The following LRRTM4 variants were observed in gnomAD, a reference collection of about 807,000 sequenced individuals.
LRRTM4 encodes leucine rich repeat transmembrane neuronal 4, also known as leucine-rich repeat transmembrane neuronal protein 4.
LRRTM4 carries 25 observed loss-of-function variants against 47.6 expected under a neutral mutation model. The ratio of observed to expected loss-of-function variants is 0.53; its 90% CI spans 0.38 to 0.73. The LOEUF is 0.73. Among genes scored for constraint, LRRTM4 ranks in the 30% least tolerant of loss-of-function variants. The probability of loss-of-function intolerance (pLI) is 0.00; values close to 1 mark genes in which losing one functional copy is unlikely to be tolerated. For synonymous variants in LRRTM4, 311 were observed against 269.5 expected, an observed-to-expected ratio of 1.15 and a Z score of -1.51; for missense variants, 638 against 713.4, an observed-to-expected ratio of 0.89 and a Z score of 1.20.
chr2:77,135,631 G>C (rs1671915002), intron 3 of LRRTM4, among the ~76,000 whole-genome samples: 1 of 152,126 alleles, frequency 6.6e-6, no homozygotes, highest in South Asian at 2.1e-4. Context: ...AACTTCTCAT[G>C]AATGTGCCAT....
chr2:76,878,472 T>C (rs1672838411), intron 3 of LRRTM4, among the ~76,000 whole-genome samples: 1 of 151,642 alleles, frequency 6.6e-6, no homozygotes, highest in Admixed American at 6.6e-5. Flanking sequence ...GTCCAAAAGG[T>C]AGGCCTTTTG....
intron 3 of LRRTM4, among the ~76,000 whole-genome samples, chr2:77,303,536 T>A (rs1437598062): frequency 6.6e-6 from 1 of 152,206 alleles, no homozygotes; most frequent in East Asian, 1.9e-4. Context: ...TCAGACTTTA[T>A]CAAACACAAT....
At position 77,136,677 on chromosome 2, in the gene LRRTM4, CG is replaced by C. The variant is rs375201746; in HGVS notation, c.1551+381640del. ...AAGCCTTCAGAGGATCAAATTTCTC[CG>C]AGCTAAAGGAGAAAGTTCGAAACCA... On this transcript the variant is annotated intron_variant, in intron 3 of 3. Transcript: ENST00000409884. Among the ~76,000 whole-genome samples the C allele has an allele frequency of 2.2e-4, 33 of 152,112 alleles. No homozygotes were observed. In the East Asian group the frequency reaches 5.8e-3, roughly 27 times the overall value.
At chr2:76,844,947 A>G (rs1422063414) in intron 3 of LRRTM4, among the ~76,000 whole-genome samples, 2 of 152,122 alleles carry the variant, frequency 1.3e-5, no homozygotes, top group Non-Finnish European at 2.9e-5. Context: ...TGAAAAGCCT[A>G]CTCATAGGGC....
chr2:77,084,099 G>A (rs941750760), intron 3 of LRRTM4, among the ~76,000 whole-genome samples: 3 of 151,974 alleles, frequency 2.0e-5, no homozygotes, highest in Non-Finnish European at 4.4e-5. Context: ...GCCACCATGC[G>A]TGGCCCTGGA....
At chr2:77,510,720 A>C (rs1041498358) in intron 3 of LRRTM4, among the ~76,000 whole-genome samples, 7 of 151,998 alleles carry the variant, frequency 4.6e-5, no homozygotes, top group Admixed American at 2.6e-4. Context: ...GAATTCTCTT[A>C]AGCAACTCAT....
chr2:76,824,379 T>C (rs1298932767), intron 3 of LRRTM4, among the ~76,000 whole-genome samples: 2 of 151,722 alleles, frequency 1.3e-5, no homozygotes, highest in Non-Finnish European at 3.0e-5. Flanking sequence ...ATAATTGTCA[T>C]AGAATGCATA....
chr2:77,362,170 A>AAAAAGAAAGAAAGAAAGAAAGG, intron 3 of LRRTM4, among the ~76,000 whole-genome samples: 1 of 133,630 alleles, frequency 7.5e-6, no homozygotes, highest in South Asian at 2.4e-4. Context: ...AGAAAGAAAG[A>AAAAAGAAAGAAAGAAAGAAAGG]AAGGAAGGAA....
At chr2:76,893,234 A>T (rs566272784) in intron 3 of LRRTM4, among the ~76,000 whole-genome samples, 1 of 151,790 alleles carries the variant, frequency 6.6e-6, no homozygotes, top group Non-Finnish European at 1.5e-5. Context: ...GATCTTTAAA[A>T]GAGATTGAAT....
At chr2:77,490,960 T>C (rs1381042724) in intron 3 of LRRTM4, among the ~76,000 whole-genome samples, 1 of 152,122 alleles carries the variant, frequency 6.6e-6, no homozygotes, top group Non-Finnish European at 1.5e-5. Context: ...TGATTCATTT[T>C]TTTTTCATAT....
chr2:77,421,638 C>T (rs1193796311), intron 3 of LRRTM4, among the ~76,000 whole-genome samples: 2 of 150,296 alleles, frequency 1.3e-5, no homozygotes, highest in Non-Finnish European at 3.0e-5. Context: ...ACCCGGGAGG[C>T]GGAGCTTGCA....
chr2:77,006,149 T>C (rs970786112), intron 3 of LRRTM4, among the ~76,000 whole-genome samples: 4 of 152,200 alleles, frequency 2.6e-5, no homozygotes, highest in Non-Finnish European at 5.9e-5. Context: ...CATGCTCTTC[T>C]GAGAATTTTT....
chr2:77,437,448 C>T (rs962190175), intron 3 of LRRTM4, among the ~76,000 whole-genome samples: 2 of 151,850 alleles, frequency 1.3e-5, no homozygotes, highest in African/African-American at 4.8e-5. Flanking sequence ...ACTATTACAC[C>T]TATGTTTGAA....
intron 3 of LRRTM4, among the ~76,000 whole-genome samples, chr2:76,801,413 A>T (rs976739551): frequency 1.3e-5 from 2 of 152,038 alleles, no homozygotes; most frequent in African/African-American, 2.4e-5. Flanking sequence ...CTATCGCAAG[A>T]ACAAAAAACC....
At chr2:77,414,087 C>G (rs891777724) in intron 3 of LRRTM4, among the ~76,000 whole-genome samples, 1 of 152,202 alleles carries the variant, frequency 6.6e-6, no homozygotes, top group Non-Finnish European at 1.5e-5. Flanking sequence ...CAAAATGCTT[C>G]TAATCCCACA....
At chr2:77,094,850 AG>A (rs947607698) in intron 3 of LRRTM4, among the ~76,000 whole-genome samples, 1 of 152,168 alleles carries the variant, frequency 6.6e-6, no homozygotes, top group Non-Finnish European at 1.5e-5. Flanking sequence ...ACAGGGGAAA[AG>A]CTCCATGACA....
At chr2:77,403,888 T>C (rs1674064222) in intron 3 of LRRTM4, among the ~76,000 whole-genome samples, 1 of 144,894 alleles carries the variant, frequency 6.9e-6, no homozygotes, top group Admixed American at 6.7e-5. Flanking sequence ...ATATATATTT[T>C]AGGAAAGGCG....
Position 77,163,277 on chromosome 2 carries a change from A to G in LRRTM4, c.1551+355041T>C, listed in dbSNP as rs559607077. On this transcript the variant is annotated intron_variant, in intron 3 of 3. Coordinates refer to ENST00000409884, the MANE Select transcript of LRRTM4 (RefSeq NM_001134745.3). ...ATGAGGTGAGAAGAGAAGTTTAGAG[A>G]AAAAAGAGTAAGAAAAATGAACAAA... Among the ~76,000 whole-genome samples, 13 of 152,272 alleles carry G rather than the reference A, an allele frequency of 8.5e-5. No individual in the cohort carries two copies. In the South Asian group the frequency reaches 2.3e-3, roughly 27 times the overall value.
chr2:76,845,172 C>T (rs1461678115), intron 3 of LRRTM4, among the ~76,000 whole-genome samples: 1 of 152,076 alleles, frequency 6.6e-6, no homozygotes, highest in African/African-American at 2.4e-5. Flanking sequence ...TATGACACAA[C>T]TGCAAAATGT....
Sources: allele counts gnomAD v4.1 joint callset (sites outside exome capture counted in the v4.1 genomes callset), GRCh38; gene constraint gnomAD v4.1.1; transcripts MANE v1.5; gene names NCBI Gene and HGNC (gene_info 2026-07-23, HGNC 2026-07-21).